ANO3: variants seen among roughly 807,000 people sequenced by gnomAD.
ANO3 encodes anoctamin 3, also known as anoctamin-3.
ANO3 carries 99 observed loss-of-function variants against 144.8 expected under a neutral mutation model. That is an observed-to-expected ratio of 0.68 (90% confidence interval 0.58 to 0.81). The LOEUF (loss-of-function observed/expected upper bound fraction) is 0.81, where lower values mean the gene tolerates loss of function less well. ANO3 is among the 30% of genes least tolerant of loss of function. The pLI, the probability that ANO3 is intolerant of heterozygous loss-of-function variation, is 0.00. For synonymous variants in ANO3, 414 were observed against 392.6 expected (o/e 1.05, Z -0.64); for missense variants, 905 against 1,202.2 (o/e 0.75, Z 3.66).
intron 1 of ANO3, among the ~76,000 whole-genome samples, chr11:26,258,157 T>C (rs1853102416): frequency 6.6e-6 from 1 of 152,168 alleles, no homozygotes. Context: ...ATTCTCATTC[T>C]TACAAGAGTA....
In ANO3 at chr11:26,439,604, C is replaced by T. The variant is rs182431762; in HGVS notation, c.47-2314C>T. ...AGCTAAACTGTATACTTAAAGGAAT[C>T]GATTTTATGGTATATGATTATATAT... On this transcript the variant is annotated intron_variant, in intron 1 of 26. Transcript: ENST00000256737. 1.7e-3 allele frequency among the ~76,000 whole-genome samples: 258 copies of T among 152,198 alleles called. 1 individual carries two copies. The highest frequency in any genetic ancestry group is 6.8e-3 in the Middle Eastern group (2 of 294).
At chr11:26,612,890 T>C (rs1245363286) in intron 17 of ANO3, among the ~76,000 whole-genome samples, 1 of 152,142 alleles carries the variant, frequency 6.6e-6, no homozygotes, top group Non-Finnish European at 1.5e-5. Flanking sequence ...TTCCTTTATA[T>C]ATAACTTGAA....
chr11:26,587,360 C>T (rs1231789528), intron 14 of ANO3, among the ~76,000 whole-genome samples: 5 of 152,182 alleles, frequency 3.3e-5, no homozygotes. Context: ...ATTTACATAC[C>T]TGAGAGAACC....
intron 1 of ANO3, among the ~76,000 whole-genome samples, chr11:26,405,256 C>T (rs553423471): frequency 4.7e-4 from 71 of 151,748 alleles, no homozygotes; most frequent in Non-Finnish European, 7.2e-4. Flanking sequence ...CTTGAAATAA[C>T]CCATTTCTAG....
chr11:26,537,456 CAT>C lies in ANO3; in HGVS notation c.1028_1029del (p.His343ArgfsTer7). 1 of 1,612,834 alleles carries C rather than the reference CAT, an allele frequency of 6.2e-7. No individual in the cohort carries two copies. The highest frequency in any genetic ancestry group is 8.5e-7 in the Non-Finnish European group (1 of 1,178,788). The stretch of plus-strand genomic sequence containing the variant: ...CTCATACATAGCAGCGTTTCCACCA[CAT>C]GAGGTAATTTTGAAATACAGTTTCC... ...NGSYIAAFPP[H>X]EGAYKSSQPI... On this transcript the variant is annotated frameshift_variant, in exon 10 of 27. Coordinates refer to ENST00000256737, the MANE Select transcript of ANO3 (RefSeq NM_031418.4). LOFTEE classifies it high-confidence loss of function.
At chr11:26,227,307 A>G (rs553578511) in intron 1 of ANO3, among the ~76,000 whole-genome samples, 1 of 152,260 alleles carries the variant, frequency 6.6e-6, no homozygotes, top group African/African-American at 2.4e-5. Context: ...CATTTGCTAG[A>G]CTTCATTTTA....
chr11:26,206,468 A>G (rs1256326717), intron 1 of ANO3, among the ~76,000 whole-genome samples: 2 of 152,142 alleles, frequency 1.3e-5, no homozygotes, highest in African/African-American at 4.8e-5. Flanking sequence ...CTTCCTAGAC[A>G]ATGTCAAAAA....
Position 26,431,562 on chromosome 11 carries a change from C to G in ANO3, c.47-10356C>G, listed in dbSNP as rs1403233012. 1.7e-4 allele frequency among the ~76,000 whole-genome samples: 26 copies of G among 152,206 alleles called. 1 individual carries two copies. Among genetic ancestry groups the G allele is most frequent in the Admixed American group, 1.7e-3 (26 of 15,282 alleles). On this transcript the variant is annotated intron_variant, in intron 1 of 26. Coordinates refer to ENST00000256737, the MANE Select transcript of ANO3 (RefSeq NM_031418.4). Reference sequence around the variant, plus strand: ...TTGTTTGTCTCCCTCCTGCCACCCTCCACCCTCAAATAGACCGCAGCGTCT... The same window carrying G: ...TTGTTTGTCTCCCTCCTGCCACCCTGCACCCTCAAATAGACCGCAGCGTCT...
intron 7 of ANO3, among the ~76,000 whole-genome samples, chr11:26,528,755 G>GT (rs1849229704): frequency 6.6e-6 from 1 of 151,832 alleles, no homozygotes; most frequent in Non-Finnish European, 1.5e-5. Context: ...CTACCCCATT[G>GT]CTTTTTATCA....
chr11:26,315,491 T>G (rs1854600449), intron 1 of ANO3, among the ~76,000 whole-genome samples: 1 of 152,098 alleles, frequency 6.6e-6, no homozygotes, highest in South Asian at 2.1e-4. Flanking sequence ...ATAAATATAA[T>G]TAACCCTCAA....
intron 1 of ANO3, among the ~76,000 whole-genome samples, chr11:26,326,588 T>A (rs562100329): frequency 2.8e-3 from 422 of 152,276 alleles, no homozygotes; most frequent in Non-Finnish European, 3.5e-3. Flanking sequence ...ACCGGCCTGG[T>A]CATGTTCAAA....
At chr11:26,256,625 G>A (rs1853063544) in intron 1 of ANO3, among the ~76,000 whole-genome samples, 1 of 151,992 alleles carries the variant, frequency 6.6e-6, no homozygotes, top group African/African-American at 2.4e-5. Context: ...ATATAAACTT[G>A]AGATAATAAA....
intron 24 of ANO3, among the ~76,000 whole-genome samples, chr11:26,652,116 C>G (rs2133085739): frequency 6.6e-6 from 1 of 152,274 alleles, no homozygotes; most frequent in African/African-American, 2.4e-5. Context: ...GACTCTTTGT[C>G]TACTCTGCAC....
At position 26,508,190 on chromosome 11, in the gene ANO3, A is replaced by C; in HGVS notation, c.519A>C (p.Thr173=). The change falls in exon 5 of 27, where the codon ACA becomes ACC. Residue 173 remains threonine, a synonymous_variant. Coordinates refer to ENST00000256737, the MANE Select transcript of ANO3 (RefSeq NM_031418.4). ...RIDYILVYRK[T]NIQYDKRNTF... ...ATTACATCTTGGTTTATAGAAAGAC[A>C]AATATACAATATGATAAAAGAAACA... 1 of 1,606,454 alleles carries C rather than the reference A, an allele frequency of 6.2e-7. No individual in the cohort carries two copies.
chr11:26,487,618 G>C (rs1365527580), intron 4 of ANO3, among the ~76,000 whole-genome samples: 2 of 152,032 alleles, frequency 1.3e-5, no homozygotes, highest in Middle Eastern at 3.2e-3. Context: ...TGGTTAAGTG[G>C]CTTTGAAAAA....
At chr11:26,241,829 G>A (rs1211244660) in intron 1 of ANO3, among the ~76,000 whole-genome samples, 1 of 152,154 alleles carries the variant, frequency 6.6e-6, no homozygotes, top group Admixed American at 6.5e-5. Context: ...AGCAAGTAAT[G>A]AAGCTAGGTT....
Position 26,565,482 on chromosome 11 carries a change from A to G in ANO3, c.1447+5703A>G, listed in dbSNP as rs1850533988. 2.5e-6 allele frequency: 4 copies of G among 1,613,322 alleles called. No individual in the cohort carries two copies. In the South Asian group the frequency reaches 4.4e-5, roughly 18 times the overall value. On this transcript the variant is annotated intron_variant, in intron 14 of 26. Transcript: ENST00000256737. ...GATGGGCAAAAGATCTTCATCTGCT[A>G]TAGGTGCATTCCAAGGCACTTTAGA...
chr11:26,219,947 C>T (rs1852109481), intron 1 of ANO3, among the ~76,000 whole-genome samples: 1 of 152,162 alleles, frequency 6.6e-6, no homozygotes, highest in Non-Finnish European at 1.5e-5. Context: ...TCAAATATTA[C>T]AGAACTTCTT....
chr11:26,572,293 A>G (rs1210387061), intron 14 of ANO3: 3 of 955,080 alleles, frequency 3.1e-6, no homozygotes, highest in Non-Finnish European at 3.7e-6. Context: ...GCCTTTAACA[A>G]CAACAACAAA....
Sources: gnomAD v4.1 joint callset for allele counts (sites outside exome capture counted in the v4.1 genomes callset) on GRCh38, gnomAD v4.1.1 for gene constraint, MANE v1.5 for transcripts, NCBI Gene and HGNC (gene_info 2026-07-23, HGNC 2026-07-21) for gene names.